ITPK1: variants seen among roughly 807,000 people sequenced by gnomAD.
The protein encoded by ITPK1 is inositol-tetrakisphosphate 1-kinase.
In ITPK1, 21 loss-of-function variants were observed where a neutral mutation model predicts 45.3. The observed-to-expected ratio is 0.46, with a 90% CI of 0.33 to 0.67. ITPK1 has a LOEUF of 0.67. ITPK1 is among the 30% of genes least tolerant of loss of function. ITPK1 has a pLI of 0.02. For missense variants in ITPK1, 474 were observed against 573.5 expected (o/e 0.83, Z 1.77); for synonymous variants, 258 against 253.6 (o/e 1.02, Z -0.16).
At chr14:92,986,366 C>T (rs1886484480) in intron 5 of ITPK1, among the ~76,000 whole-genome samples, 1 of 152,148 alleles carries the variant, frequency 6.6e-6, no homozygotes, top group Non-Finnish European at 1.5e-5. Flanking sequence ...GGGAAGAAAG[C>T]CTGGGAGTGG....
intron 4 of ITPK1, among the ~76,000 whole-genome samples, chr14:93,005,794 G>C (rs1887580234): frequency 6.6e-6 from 1 of 152,230 alleles, no homozygotes; most frequent in Admixed American, 6.5e-5. Flanking sequence ...ACTACAGCAT[G>C]TTTCTAAAAC....
intron 5 of ITPK1, among the ~76,000 whole-genome samples, chr14:92,967,711 T>C (rs998412770): frequency 5.9e-5 from 9 of 152,214 alleles, no homozygotes; most frequent in African/African-American, 2.2e-4. Flanking sequence ...TACAATGGAA[T>C]ATTATTCAGC....
chr14:93,044,075 C>A (rs1350460746), intron 3 of ITPK1, among the ~76,000 whole-genome samples: 1 of 150,926 alleles, frequency 6.6e-6, no homozygotes, highest in Non-Finnish European at 1.5e-5. Context: ...CCAGAGGGTA[C>A]TGAGGAATTC....
At chr14:92,944,086 C>T (rs1432760503) in intron 10 of ITPK1, among the ~76,000 whole-genome samples, 1 of 152,222 alleles carries the variant, frequency 6.6e-6, no homozygotes, top group African/African-American at 2.4e-5. Flanking sequence ...GCAGGCCTGG[C>T]TCACGGTGTC....
intron 3 of ITPK1, among the ~76,000 whole-genome samples, chr14:93,055,735 C>T (rs1890192428): frequency 6.6e-6 from 1 of 152,200 alleles, no homozygotes; most frequent in African/African-American, 2.4e-5. Flanking sequence ...GCCCCAACTG[C>T]CAGTCAGGCC....
chr14:93,044,525 T>C (rs1023965425), intron 3 of ITPK1, among the ~76,000 whole-genome samples: 11 of 152,072 alleles, frequency 7.2e-5, no homozygotes, highest in African/African-American at 2.7e-4. Context: ...TGGCAGCAGA[T>C]GGAAACTCTG....
chr14:92,982,040 C>G (rs1886260689), intron 5 of ITPK1, among the ~76,000 whole-genome samples: 1 of 152,224 alleles, frequency 6.6e-6, no homozygotes, highest in Non-Finnish European at 1.5e-5. Context: ...GGAGACGCCA[C>G]CCAGGAGAGG....
chr14:93,079,903 C>T (rs964505055), intron 2 of ITPK1, among the ~76,000 whole-genome samples: 1 of 152,206 alleles, frequency 6.6e-6, no homozygotes, highest in African/African-American at 2.4e-5. Flanking sequence ...CATGATCCCA[C>T]CTCATCACCC....
chr14:92,946,091 G>A lies in ITPK1; in HGVS notation c.901+240C>T, dbSNP rs368567413. 6.6e-5 allele frequency among the ~76,000 whole-genome samples: 10 copies of A among 152,294 alleles called. No individual in the cohort carries two copies. The East Asian group carries it at 1.2e-3, about 18-fold the overall frequency. On this transcript the variant is annotated intron_variant, in intron 10 of 10. Coordinates refer to ENST00000267615, the MANE Select transcript of ITPK1 (RefSeq NM_014216.6). ...TGGAGAGAGGAGGTGAGGGACATGCGTGCTGTGGCCACTGTGCCTGGCGCT... is the reference window on the plus strand; with the variant it reads ...TGGAGAGAGGAGGTGAGGGACATGCATGCTGTGGCCACTGTGCCTGGCGCT...
chr14:92,991,499 G>A (rs1051273273), intron 5 of ITPK1, among the ~76,000 whole-genome samples: 3 of 151,770 alleles, frequency 2.0e-5, no homozygotes, highest in African/African-American at 7.3e-5. Context: ...TGAGGACGGG[G>A]CCCTCTCCTG....
chr14:93,091,338 C>A (rs988354399), intron 2 of ITPK1, among the ~76,000 whole-genome samples: 16 of 152,194 alleles, frequency 1.1e-4, no homozygotes, highest in Non-Finnish European at 2.4e-4. Flanking sequence ...CCAGACAGCT[C>A]CCACAGAAGC....
chr14:93,066,210 C>G, intron 3 of ITPK1: 2 of 455,492 alleles, frequency 4.4e-6, no homozygotes, highest in South Asian at 3.1e-5. Flanking sequence ...CACATCAGGG[C>G]CAGACCACGT....
At chr14:93,088,224 C>T (rs529295912) in intron 2 of ITPK1, among the ~76,000 whole-genome samples, 11 of 152,188 alleles carry the variant, frequency 7.2e-5, no homozygotes, top group East Asian at 1.9e-4. Context: ...CAGGGACAGA[C>T]GAGGCAGTGG....
chr14:92,987,042 A>C (rs1364239654), intron 5 of ITPK1, among the ~76,000 whole-genome samples: 1 of 152,192 alleles, frequency 6.6e-6, no homozygotes, highest in Non-Finnish European at 1.5e-5. Context: ...CATCTGTTTC[A>C]TCTCTGCCAG....
chr14:92,998,683 G>A (rs181843317), intron 4 of ITPK1, among the ~76,000 whole-genome samples: 1 of 152,248 alleles, frequency 6.6e-6, no homozygotes, highest in Non-Finnish European at 1.5e-5. Context: ...AAAGTTTGGG[G>A]GGAAATGGGA....
At chr14:93,083,729 G>A (rs1381801430) in intron 2 of ITPK1, among the ~76,000 whole-genome samples, 4 of 152,072 alleles carry the variant, frequency 2.6e-5, no homozygotes, top group East Asian at 1.9e-4. Context: ...ACTAAGCCCC[G>A]TCACCCATGT....
chr14:93,104,046 T>C (rs995494581), intron 2 of ITPK1, among the ~76,000 whole-genome samples: 10 of 152,010 alleles, frequency 6.6e-5, no homozygotes, highest in African/African-American at 2.4e-4. Flanking sequence ...AATCCTATCA[T>C]TTGGCCCTAG....
Position 92,939,695 on chromosome 14 carries a change from G to A in ITPK1, c.*1866C>T, listed in dbSNP as rs1006364195. The A allele has an allele frequency of 2.0e-6, 2 of 985,104 alleles. No individual in the cohort carries two copies. Among genetic ancestry groups the A allele is most frequent in the East Asian group, 1.1e-4 (1 of 8,816 alleles). The allele number at this position is 985,104 out of a possible 1,614,324, so 61.0% of individuals were successfully genotyped here. ...GCGCAAGACCCCGGAGGCCACAAAC[G>A]GTACAGGAACACAGCCAGGAGTCAC... On this transcript the variant is annotated 3_prime_UTR_variant, in exon 11 of 11. Transcript: ENST00000267615.
rs753073307 is a variant in ITPK1, at chr14:93,032,071, C to T, written c.121-15270G>A. On this transcript the variant is annotated intron_variant, in intron 3 of 10. Transcript: ENST00000267615. The surrounding 1 kb of genome is among the most constrained non-coding windows in gnomAD (Gnocchi z 4.0). ...TTTGATATAATAGTAACAAAGCAGCCGGGTGCAGTGGCTCACGCCTGTCAT... is the reference window on the plus strand; with the variant it reads ...TTTGATATAATAGTAACAAAGCAGCTGGGTGCAGTGGCTCACGCCTGTCAT... Among the ~76,000 whole-genome samples the T allele has an allele frequency of 2.6e-5, 4 of 152,062 alleles. No individual in the cohort carries two copies. Among genetic ancestry groups the T allele is most frequent in the Non-Finnish European group, 2.9e-5 (2 of 68,020 alleles).
Sources: gnomAD v4.1 joint callset for allele counts (sites outside exome capture counted in the v4.1 genomes callset) on GRCh38, gnomAD v4.1.1 for gene constraint, Gnocchi (gnomAD v3.1) non-coding constraint, MANE v1.5 for transcripts, NCBI Gene and HGNC (gene_info 2026-07-23, HGNC 2026-07-21) for gene names.